The following TECR variants were observed in gnomAD, a reference collection of about 807,000 sequenced individuals.
TECR encodes trans-2,3-enoyl-CoA reductase, also known as very-long-chain enoyl-CoA reductase.
Under a neutral mutation model 50.6 loss-of-function variants are expected in TECR, and 19 were observed. The ratio of observed to expected loss-of-function variants is 0.38; its 90% CI spans 0.26 to 0.55. The LOEUF is 0.55. TECR is among the 20% of genes least tolerant of loss of function. The probability of loss-of-function intolerance (pLI) is 0.79; values close to 1 mark genes in which losing one functional copy is unlikely to be tolerated. For missense variants in TECR, 313 were observed against 408.3 expected (o/e 0.77, Z 2.01); for synonymous variants, 168 against 163.5 (o/e 1.03, Z -0.21).
intron 1 of TECR, among the ~76,000 whole-genome samples, chr19:14,549,989 T>G (rs2073440657): frequency 6.6e-6 from 1 of 151,894 alleles, no homozygotes; most frequent in African/African-American, 2.4e-5. Flanking sequence ...CCCCTTCAAC[T>G]GCCACTCCCT....
intron 1 of TECR, among the ~76,000 whole-genome samples, chr19:14,549,414 T>C (rs1305930281): frequency 6.6e-6 from 1 of 151,826 alleles, no homozygotes; most frequent in East Asian, 1.9e-4. Context: ...GGTTTCACCA[T>C]ATTGGCCAGG....
chr19:14,552,162 TTTCTTTTTTC>T (rs1309966131), intron 1 of TECR, among the ~76,000 whole-genome samples: 3 of 147,412 alleles, frequency 2.0e-5, no homozygotes, highest in African/African-American at 7.6e-5. Flanking sequence ...TCTTTCTTTC[TTTCTTTTTTC>T]TTTTTTTTTT....
At chr19:14,547,876 G>C (rs1299065625) in intron 1 of TECR, among the ~76,000 whole-genome samples, 1 of 150,422 alleles carries the variant, frequency 6.6e-6, no homozygotes, top group Non-Finnish European at 1.5e-5. Flanking sequence ...TGCCCAGGTT[G>C]GTCTTGGGTC....
chr19:14,561,281 G>A (rs187327983), intron 1 of TECR, among the ~76,000 whole-genome samples: 1 of 152,296 alleles, frequency 6.6e-6, no homozygotes, highest in Admixed American at 6.5e-5. Flanking sequence ...GGGGGCCCCC[G>A]CTGGGTTTCT....
At chr19:14,553,248 C>G (rs770687126) in intron 1 of TECR, among the ~76,000 whole-genome samples, 1 of 152,158 alleles carries the variant, frequency 6.6e-6, no homozygotes, top group South Asian at 2.1e-4. Context: ...CCCGGGCTAC[C>G]GCTGCCTCTG....
chr19:14,534,840 CAG>C (rs1406301933), intron 1 of TECR, among the ~76,000 whole-genome samples: 2 of 152,194 alleles, frequency 1.3e-5, no homozygotes, highest in Non-Finnish European at 2.9e-5. Flanking sequence ...GTCAAGGTCA[CAG>C]AGCCTGGAAG....
At chr19:14,550,470 C>T (rs531758230) in intron 1 of TECR, among the ~76,000 whole-genome samples, 1 of 152,112 alleles carries the variant, frequency 6.6e-6, no homozygotes, top group Non-Finnish European at 1.5e-5. Context: ...GGCTCAGCCT[C>T]TGGCCCCCTT....
Position 14,565,919 on chromosome 19 carries a change from G to C in TECR, c.*48G>C, listed in dbSNP as rs1300205282. On this transcript the variant is annotated 3_prime_UTR_variant, in exon 13 of 13. Coordinates refer to ENST00000215567, the MANE Select transcript of TECR (RefSeq NM_138501.6). ...AGCCCCTCAACCCGGTGGCATTCTG[G>C]GGGAGGAGTGGGGCCCACAGCTCTC... The C allele has an allele frequency of 3.2e-6, 5 of 1,543,606 alleles. No homozygotes were observed. Among genetic ancestry groups the C allele is most frequent in the African/African-American group, 1.4e-5 (1 of 73,276 alleles).
intron 1 of TECR, chr19:14,533,977 T>C (rs1318600991): frequency 6.6e-6 from 1 of 152,118 alleles, no homozygotes. Context: ...GAAAAACAGC[T>C]ACTACATCTT....
At chr19:14,550,034 A>G (rs2073442655) in intron 1 of TECR, among the ~76,000 whole-genome samples, 1 of 151,750 alleles carries the variant, frequency 6.6e-6, no homozygotes, top group Non-Finnish European at 1.5e-5. Flanking sequence ...TCCATGTCGC[A>G]CGTCACCTTT....
At chr19:14,546,921 C>T (rs934150781) in intron 1 of TECR, among the ~76,000 whole-genome samples, 2 of 152,174 alleles carry the variant, frequency 1.3e-5, no homozygotes, top group Non-Finnish European at 2.9e-5. Flanking sequence ...AACTCCTGAC[C>T]TCAAGTGATC....
At chr19:14,551,086 T>C (rs1395009321) in intron 1 of TECR, among the ~76,000 whole-genome samples, 1 of 151,956 alleles carries the variant, frequency 6.6e-6, no homozygotes, top group Non-Finnish European at 1.5e-5. Context: ...TTTTTTCTTT[T>C]TTTGATATGG....
chr19:14,560,217 TG>T (rs1219060219), intron 1 of TECR, among the ~76,000 whole-genome samples: 1 of 152,150 alleles, frequency 6.6e-6, no homozygotes, highest in Non-Finnish European at 1.5e-5. Flanking sequence ...GTGCCCAGGT[TG>T]GGGGGAGCAG....
chr19:14,560,538 C>T (rs1476380154), intron 1 of TECR, among the ~76,000 whole-genome samples: 1 of 152,242 alleles, frequency 6.6e-6, no homozygotes, highest in Non-Finnish European at 1.5e-5. Context: ...TGGTGGGGCC[C>T]AACGTCCTGC....
chr19:14,565,257 C>G lies in TECR; in HGVS notation c.720C>G (p.Phe240Leu). 1 of 1,613,826 alleles carries G rather than the reference C, an allele frequency of 6.2e-7. No individual in the cohort carries two copies. Among genetic ancestry groups the G allele is most frequent in the Non-Finnish European group, 8.5e-7 (1 of 1,179,982 alleles). ...CCAAGAACCCCTTCACGTGGCTCTT[C>G]CTGCTGGTGTCCTGCCCCAACTACA... ...YPTKNPFTWL[F>L]LLVSCPNYTY... The change falls in exon 11 of 13, where the codon TTC becomes TTG. Residue 240 changes from phenylalanine to leucine, a missense_variant. Phe to Leu is a conservative substitution (Grantham distance 22). Transcript: ENST00000215567.
intron 1 of TECR, among the ~76,000 whole-genome samples, chr19:14,533,595 C>G (rs75013252): frequency 0.016 from 2,421 of 152,224 alleles, 47 homozygotes; most frequent in African/African-American, 0.052. Flanking sequence ...CTGACTGTCA[C>G]GCAACAAATT....
chr19:14,536,944 G>A (rs943801092), intron 1 of TECR, among the ~76,000 whole-genome samples: 3 of 147,748 alleles, frequency 2.0e-5, no homozygotes, highest in African/African-American at 7.6e-5. Context: ...CTCTGGACAC[G>A]GGGCAGATGT....
chr19:14,548,312 C>G (rs913597441), intron 1 of TECR, among the ~76,000 whole-genome samples: 3 of 152,086 alleles, frequency 2.0e-5, no homozygotes, highest in Non-Finnish European at 4.4e-5. Context: ...CTGATTTTTC[C>G]TCTTGAACCT....
chr19:14,556,421 AAAAC>A (rs1299449921), intron 1 of TECR, among the ~76,000 whole-genome samples: 1 of 151,730 alleles, frequency 6.6e-6, no homozygotes, highest in African/African-American at 2.4e-5. Flanking sequence ...AAAAAAAACA[AAAAC>A]AAAAAAAACC....
Sources: allele counts gnomAD v4.1 joint callset (sites outside exome capture counted in the v4.1 genomes callset), GRCh38; gene constraint gnomAD v4.1.1; transcripts MANE v1.5; gene names NCBI Gene and HGNC (gene_info 2026-07-23, HGNC 2026-07-21).